POLR1A: variants seen among roughly 807,000 people sequenced by gnomAD.
The protein encoded by POLR1A is RNA polymerase I subunit A, also known as DNA-directed RNA polymerase I subunit RPA1.
In POLR1A, 84 loss-of-function variants were observed where a neutral mutation model predicts 205.3. The observed-to-expected ratio is 0.41, with a 90% CI of 0.34 to 0.49. The LOEUF is 0.49. POLR1A is among the 20% of genes least tolerant of loss of function. The pLI is 0.22. For missense variants in POLR1A, 1,645 were observed against 2,204.5 expected (o/e 0.75, Z 5.08); for synonymous variants, 799 against 863.7 (o/e 0.93, Z 1.31).
At chr2:86,050,324 G>A (rs778593791) in intron 16 of POLR1A, among the ~76,000 whole-genome samples, 28 of 152,210 alleles carry the variant, frequency 1.8e-4, no homozygotes, top group Non-Finnish European at 4.0e-4. Context: ...AGATGGGGCT[G>A]AAATATTTGG....
intron 18 of POLR1A, among the ~76,000 whole-genome samples, chr2:86,048,095 AG>A (rs1672739045): frequency 6.6e-6 from 1 of 152,178 alleles, no homozygotes; most frequent in Non-Finnish European, 1.5e-5. Context: ...CAGCAGCCTA[AG>A]GGATGCTAAA....
Position 86,100,096 on chromosome 2 carries a change from C to G in POLR1A, c.154G>C (p.Asp52His). The change falls in exon 2 of 34, where the codon GAT becomes CAT. Residue 52 changes from aspartate to histidine, a missense_variant. Asp to His is a moderately conservative substitution (Grantham distance 81, BLOSUM62 -1). This residue lies in a region of POLR1A where 330 missense variants were observed against 375.6 expected (regional missense o/e 0.88). Transcript: ENST00000263857. Reference protein sequence around the residue: ...LGNPSANGLYDLALGPADSKE... With the variant: ...LGNPSANGLYHLALGPADSKE... Reference sequence around the variant, plus strand: ...GAATCTGCAGGGCCCAAAGCTAAATCGTACAGGCCGTTTGCCGATGGGTTC... The same window carrying G: ...GAATCTGCAGGGCCCAAAGCTAAATGGTACAGGCCGTTTGCCGATGGGTTC... 6.2e-7 allele frequency: 1 copy of G among 1,614,188 alleles called. No individual in the cohort carries two copies. The highest frequency in any genetic ancestry group is 8.5e-7 in the Non-Finnish European group (1 of 1,180,026).
In POLR1A at chr2:86,028,611, T is replaced by A; in HGVS notation, c.4880A>T (p.Asp1627Val). ...ALRVIEKEIK[D>V]VFAVYGIAVD... ...CCCCTTACCATACACGGCAAACACATCCTTGATCTCCTTCTCGATCACCCG... is the reference window on the plus strand; with the variant it reads ...CCCCTTACCATACACGGCAAACACAACCTTGATCTCCTTCTCGATCACCCG... The change falls in exon 32 of 34, where the codon GAT (aspartate) becomes GTT (valine). Residue 1627 changes from aspartate (D) to valine (V), a missense_variant. Transcript: ENST00000263857. The surrounding 1 kb of genome is among the most constrained non-coding windows in gnomAD (Gnocchi z 4.5). The A allele has an allele frequency of 2.5e-6, 4 of 1,613,594 alleles. No homozygotes were observed. Among genetic ancestry groups the A allele is most frequent in the Non-Finnish European group, 3.4e-6 (4 of 1,179,504 alleles).
At chr2:86,069,527 AAAG>A (rs1370246840) in intron 13 of POLR1A, among the ~76,000 whole-genome samples, 3 of 152,180 alleles carry the variant, frequency 2.0e-5, no homozygotes, top group African/African-American at 7.2e-5. Flanking sequence ...GAACTTGGAG[AAAG>A]AAGGAAAGGA....
At chr2:86,089,020 TAC>T (rs1673555528) in intron 4 of POLR1A, 150 bp from the exon 5 acceptor site, 4 of 601,056 alleles carry the variant, frequency 6.7e-6, no homozygotes, top group Non-Finnish European at 1.2e-5. Context: ...AGAACCCTAA[TAC>T]ACTTGAGCTC....
intron 16 of POLR1A, among the ~76,000 whole-genome samples, chr2:86,051,899 C>T (rs189125721): frequency 3.3e-5 from 5 of 152,336 alleles, no homozygotes; most frequent in South Asian, 2.1e-4. Flanking sequence ...AGGATCACCC[C>T]GACAGGTTTG....
At chr2:86,046,925 T>C (rs1408910477) in intron 19 of POLR1A, among the ~76,000 whole-genome samples, 1 of 152,244 alleles carries the variant, frequency 6.6e-6, no homozygotes, top group Non-Finnish European at 1.5e-5. Context: ...ATATATGTAA[T>C]AGTACAGTTT....
intron 22 of POLR1A, 89 bp downstream of exon 22, chr2:86,044,050 G>A (rs1672666346): frequency 1.5e-6 from 2 of 1,299,872 alleles, no homozygotes. Flanking sequence ...ACTTGGACTG[G>A]GTTGCAAAGC....
In POLR1A at chr2:86,026,243, G is replaced by A. The variant is rs946039177; in HGVS notation, c.*1180C>T. 1 of 152,238 alleles carries A rather than the reference G, an allele frequency of 6.6e-6. No individual in the cohort carries two copies. The highest frequency in any genetic ancestry group is 1.5e-5 in the Non-Finnish European group (1 of 68,056). The allele number at this position is 152,238 out of a possible 1,614,324, so 9.4% of individuals were successfully genotyped here. ...CCTCAGACAAGAAAGCACAGGAAGA[G>A]GGACCCAAGACCTGACTGTGCCAAG... On this transcript the variant is annotated 3_prime_UTR_variant, in exon 34 of 34. Coordinates refer to ENST00000263857, the MANE Select transcript of POLR1A (RefSeq NM_015425.6).
At chr2:86,077,382 C>T (rs1340654287) in intron 11 of POLR1A, among the ~76,000 whole-genome samples, 2 of 152,148 alleles carry the variant, frequency 1.3e-5, no homozygotes, top group Non-Finnish European at 2.9e-5. Context: ...CGCCTCTCTC[C>T]GGGACTCACT....
At position 86,070,340 on chromosome 2, in the gene POLR1A, C is replaced by T. The variant is rs368205843; in HGVS notation, c.1612-68G>A. 714 of 1,493,586 alleles carry T rather than the reference C, an allele frequency of 4.8e-4. 2 individuals carry two copies. The African/African-American group carries it at 6.7e-3, about 14-fold the overall frequency. The allele number at this position is 1,493,586 out of a possible 1,614,324, so 92.5% of individuals were successfully genotyped here. ...GTATCACCACGGCTCTTTCCAAGTG[C>T]TCACCTCAGCTTGACCAAGGTGTGG... On this transcript the variant is annotated intron_variant, in intron 12 of 33. Coordinates refer to ENST00000263857, the MANE Select transcript of POLR1A (RefSeq NM_015425.6). The surrounding 1 kb of genome is among the most constrained non-coding windows in gnomAD (Gnocchi z 4.4).
Position 86,065,333 on chromosome 2 carries a change from G to C in POLR1A, c.1999C>G (p.Arg667Gly). Residue 667 changes from arginine to glycine, a missense_variant, in exon 14 of 34, where the codon CGC becomes GGC. By Grantham distance (125) the Arg-to-Gly change is moderately radical. This residue lies in a region of POLR1A where 339 missense variants were observed against 415.1 expected (regional missense o/e 0.82). Transcript: ENST00000263857. ...ATGGAAGGAGAAAGGAGCTTCACGC[G>C]CCCCACTTTGTCCGTGAGTCCTCGG... ...VYRGLTDKVG[R>G]VKLLSPSILK... 6.2e-7 allele frequency: 1 copy of C among 1,614,076 alleles called. No homozygotes were observed. The highest frequency in any genetic ancestry group is 8.5e-7 in the Non-Finnish European group (1 of 1,180,016).
At chr2:86,072,509 A>G (rs1321449262) in intron 12 of POLR1A, among the ~76,000 whole-genome samples, 1 of 152,264 alleles carries the variant, frequency 6.6e-6, no homozygotes, top group Non-Finnish European at 1.5e-5. Context: ...GGCACCGGCC[A>G]ATCCAAACAG....
chr2:86,031,042 G>A (rs776105137), intron 30 of POLR1A, among the ~76,000 whole-genome samples: 39 of 152,210 alleles, frequency 2.6e-4, no homozygotes, highest in African/African-American at 8.9e-4. Flanking sequence ...TTGAAAGATC[G>A]GGGAGAACTG....
At position 86,088,871 on chromosome 2, in the gene POLR1A, C is replaced by A; in HGVS notation, c.541-1G>T. The A allele has an allele frequency of 1.2e-6, 2 of 1,608,486 alleles. No individual in the cohort carries two copies. The highest frequency in any genetic ancestry group is 1.1e-5 in the South Asian group (1 of 90,232). On this transcript the variant is annotated splice_acceptor_variant, in intron 4 of 33. Coordinates refer to ENST00000263857, the MANE Select transcript of POLR1A (RefSeq NM_015425.6). LOFTEE classifies it high-confidence loss of function. ...TCTTGCTCTCACACACGTTCTTTAC[C>A]TGTTTTTTTAAAAAAAGTCAGAGAA...
At position 86,052,895 on chromosome 2, in the gene POLR1A, C is replaced by T. The variant is rs1366957260; in HGVS notation, c.2314G>A (p.Glu772Lys). ...CAGGTTAGAACCTTGCCGCTGGTCT[C>T]GCCTCCATAGATCTCATAGCAGCAG... is the stretch of plus-strand genomic sequence containing the variant. ...VHCCYEIYGGETSGKVLTCLA... is the reference protein window; with the variant it reads ...VHCCYEIYGGKTSGKVLTCLA... The change falls in exon 16 of 34, where the codon GAG becomes AAG. Residue 772 changes from glutamate (E) to lysine (K), a missense_variant. Physicochemically the swap from Glu to Lys is moderately conservative, Grantham distance 56 (BLOSUM62 1). Transcript: ENST00000263857. 3.3e-5 allele frequency: 53 copies of T among 1,607,918 alleles called. No homozygotes were observed. The highest frequency in any genetic ancestry group is 4.5e-5 in the East Asian group (2 of 44,010).
At chr2:86,092,988 A>G (rs1047703947) in intron 3 of POLR1A, among the ~76,000 whole-genome samples, 1 of 152,214 alleles carries the variant, frequency 6.6e-6, no homozygotes, top group African/African-American at 2.4e-5. Context: ...CCAACAACAT[A>G]TTAAAAAGGT....
rs1190558730 is a variant in POLR1A, at chr2:86,098,655, C to T, written c.388G>A (p.Gly130Arg). ...LLCQLRVLEVGALQAVYELER... is the reference protein window; with the variant it reads ...LLCQLRVLEVRALQAVYELER... ...AGCTCGTAGACTGCTTGTAGGGCCCCGACTTCCAGAACCCTCAGCTGGCAG... is the reference window on the plus strand; with the variant it reads ...AGCTCGTAGACTGCTTGTAGGGCCCTGACTTCCAGAACCCTCAGCTGGCAG... Residue 130 changes from glycine to arginine, a missense_variant, in exon 3 of 34, where the codon GGG (glycine) becomes AGG (arginine). Around this residue, in one of 16 missense-constraint regions of POLR1A, gnomAD observed 330 missense variants for 375.6 expected, o/e 0.88. Transcript: ENST00000263857. 3 of 1,613,566 alleles carry T rather than the reference C, an allele frequency of 1.9e-6. No individual in the cohort carries two copies. The highest frequency in any genetic ancestry group is 1.3e-5 in the African/African-American group (1 of 74,826).
Position 86,065,347 on chromosome 2 carries a change from G to C in POLR1A, c.1985C>G (p.Thr662Arg). The C allele has an allele frequency of 6.2e-7, 1 of 1,614,132 alleles. No homozygotes were observed. The highest frequency in any genetic ancestry group is 1.3e-5 in the African/African-American group (1 of 75,022). Residue 662 changes from threonine (T) to arginine (R), a missense_variant, in exon 14 of 34, where the codon ACG (threonine) becomes AGG (arginine). Physicochemically the swap from Thr to Arg is moderately conservative, Grantham distance 71. Transcript: ENST00000263857. The part of the protein sequence containing the change: ...HYMELVYRGL[T>R]DKVGRVKLLS... Reference sequence around the variant, plus strand: ...GAGCTTCACGCGCCCCACTTTGTCCGTGAGTCCTCGGTACACCAGCTCCAT... The same window carrying C: ...GAGCTTCACGCGCCCCACTTTGTCCCTGAGTCCTCGGTACACCAGCTCCAT...
Sources: allele counts gnomAD v4.1 joint callset (sites outside exome capture counted in the v4.1 genomes callset), GRCh38; gene constraint gnomAD v4.1.1; regional missense constraint gnomAD v4.1.1; non-coding constraint Gnocchi (gnomAD v3.1); transcripts MANE v1.5; gene names NCBI Gene and HGNC (gene_info 2026-07-23, HGNC 2026-07-21).